PBX1: variants seen among roughly 807,000 people sequenced by gnomAD.
PBX1 encodes PBX homeobox 1.
PBX1 carries 6 observed loss-of-function variants against 53.4 expected under a neutral mutation model. That is an observed-to-expected ratio of 0.11 (90% confidence interval 0.06 to 0.22). The LOEUF is 0.22. Ranked by LOEUF, PBX1 falls within the 10% of genes least tolerant of loss-of-function variation. The pLI, the probability that PBX1 is intolerant of heterozygous loss-of-function variation, is 1.00. For missense variants in PBX1, 251 were observed against 551.4 expected (o/e 0.46, Z 5.46); for synonymous variants, 204 against 212.3 (o/e 0.96, Z 0.34).
intron 2 of PBX1, chr1:164,700,424 A>G: frequency 1.0e-6 from 1 of 983,800 alleles, no homozygotes; most frequent in Non-Finnish European, 1.2e-6. Context: ...GAGACTTAAG[A>G]GAAGTGCTTT....
chr1:164,669,998 A>G (rs1023869747), intron 2 of PBX1, among the ~76,000 whole-genome samples: 2 of 152,282 alleles, frequency 1.3e-5, no homozygotes, highest in South Asian at 4.1e-4. Flanking sequence ...CAAAGCTGCC[A>G]GCAGTATCAA....
At chr1:164,657,916 T>C (rs1660254639) in intron 2 of PBX1, among the ~76,000 whole-genome samples, 1 of 152,180 alleles carries the variant, frequency 6.6e-6, no homozygotes, top group Non-Finnish European at 1.5e-5. Context: ...CTGGTGCCTT[T>C]GCCACTCCAT....
chr1:164,746,530 C>T (rs575953622), intron 2 of PBX1, among the ~76,000 whole-genome samples: 1 of 152,146 alleles, frequency 6.6e-6, no homozygotes, highest in Non-Finnish European at 1.5e-5. Flanking sequence ...GCATGTGCCA[C>T]CACGCCCGGC....
At chr1:164,717,924 T>C (rs2102095818) in intron 2 of PBX1, among the ~76,000 whole-genome samples, 1 of 152,364 alleles carries the variant, frequency 6.6e-6, no homozygotes, top group East Asian at 1.9e-4. Context: ...ACTGTTAATA[T>C]ACTAGCAATC....
intron 2 of PBX1, among the ~76,000 whole-genome samples, chr1:164,630,681 A>C (rs1384190751): frequency 6.6e-6 from 1 of 152,214 alleles, no homozygotes; most frequent in East Asian, 1.9e-4. Flanking sequence ...GATTAAATAA[A>C]ATAGAACCTT....
chr1:164,636,608 T>C (rs910286087), intron 2 of PBX1, among the ~76,000 whole-genome samples: 1 of 152,180 alleles, frequency 6.6e-6, no homozygotes, highest in Admixed American at 6.5e-5. Context: ...TTTGGACACC[T>C]AGTCACCTTG....
intron 2 of PBX1, among the ~76,000 whole-genome samples, chr1:164,673,264 C>T (rs375303808): frequency 5.9e-5 from 9 of 151,940 alleles, no homozygotes; most frequent in African/African-American, 2.2e-4. Context: ...GATTAGTCAC[C>T]GGGGTGTTTG....
intron 2 of PBX1, among the ~76,000 whole-genome samples, chr1:164,710,946 G>A (rs1373660677): frequency 6.6e-6 from 1 of 152,208 alleles, no homozygotes; most frequent in African/African-American, 2.4e-5. Flanking sequence ...ACCCCATCTG[G>A]CCAGCCAGGC....
At chr1:164,686,514 G>C (rs1662104461) in intron 2 of PBX1, among the ~76,000 whole-genome samples, 1 of 152,170 alleles carries the variant, frequency 6.6e-6, no homozygotes, top group Non-Finnish European at 1.5e-5. Context: ...GCCCCAGAAT[G>C]GTCAGGAGGA....
intron 8 of PBX1, among the ~76,000 whole-genome samples, chr1:164,841,346 A>G (rs1671281336): frequency 6.6e-6 from 1 of 152,150 alleles, no homozygotes; most frequent in South Asian, 2.1e-4. Flanking sequence ...GAATGTAAAT[A>G]ATTGTGTTGA....
chr1:164,814,974 T>G (rs1403119585), intron 6 of PBX1: 1 of 152,054 alleles, frequency 6.6e-6, no homozygotes, highest in Non-Finnish European at 1.5e-5. Flanking sequence ...TTAGCATGCT[T>G]CATAGTTTAT....
intron 2 of PBX1, among the ~76,000 whole-genome samples, chr1:164,591,586 C>G (rs2101771796): frequency 6.6e-6 from 1 of 152,284 alleles, no homozygotes; most frequent in South Asian, 2.1e-4. Flanking sequence ...TACTAATGAT[C>G]CTTGCCAATT....
At position 164,836,113 on chromosome 1, in the gene PBX1, T is replaced by G. The variant is rs149243287; in HGVS notation, c.1201-10471T>G. 1.5e-3 allele frequency among the ~76,000 whole-genome samples: 227 copies of G among 152,312 alleles called. 6 individuals carry two copies. The East Asian group carries it at 0.039, about 26-fold the overall frequency. On this transcript the variant is annotated intron_variant, in intron 8 of 8. Transcript: ENST00000420696. ...TACATCTATTAAAAAAGCTTTCTTA[T>G]GACCTTTGCTACACTTAGGTCAAGA...
intron 2 of PBX1, among the ~76,000 whole-genome samples, chr1:164,690,225 G>T (rs1195257189): frequency 6.6e-6 from 1 of 152,160 alleles, no homozygotes. Context: ...TGCAGGATGG[G>T]GGTGGGAGAG....
At chr1:164,878,829 C>T (rs540169838) in intron 2 of PBX1, among the ~76,000 whole-genome samples, 2 of 152,270 alleles carry the variant, frequency 1.3e-5, no homozygotes, top group East Asian at 3.9e-4. Flanking sequence ...GAAATTTGAA[C>T]TTATAAAATG....
chr1:164,655,977 C>G (rs142367788), intron 2 of PBX1, among the ~76,000 whole-genome samples: 1 of 152,120 alleles, frequency 6.6e-6, no homozygotes, highest in African/African-American at 2.4e-5. Flanking sequence ...TTCACCATAA[C>G]ATGAATAGAT....
intron 2 of PBX1, among the ~76,000 whole-genome samples, chr1:164,767,660 A>G (rs1019867900): frequency 6.6e-6 from 1 of 151,960 alleles, no homozygotes; most frequent in African/African-American, 2.4e-5. Context: ...AAAAAAAGAA[A>G]AAAAAAAAAG....
At chr1:164,739,787 G>GTA (rs1557977465) in intron 2 of PBX1, among the ~76,000 whole-genome samples, 1 of 142,188 alleles carries the variant, frequency 7.0e-6, no homozygotes, top group Non-Finnish European at 1.6e-5. Flanking sequence ...GTGTGTGTGT[G>GTA]TGTATGTATA....
Position 164,747,312 on chromosome 1 carries a change from G to A in PBX1, c.266-45182G>A, listed in dbSNP as rs544546545. On this transcript the variant is annotated intron_variant, in intron 2 of 8. Coordinates refer to ENST00000420696, the MANE Select transcript of PBX1 (RefSeq NM_002585.4). ...GTAAATTTAGCATCTGTATATGTAT[G>A]AATCATGTATATATATATATATACA... Among the ~76,000 whole-genome samples, 19 of 150,522 alleles carry A rather than the reference G, an allele frequency of 1.3e-4. No individual in the cohort carries two copies. In the East Asian group the frequency reaches 3.3e-3, roughly 26 times the overall value.
Sources: gnomAD v4.1 joint callset for allele counts (sites outside exome capture counted in the v4.1 genomes callset) on GRCh38, gnomAD v4.1.1 for gene constraint, MANE v1.5 for transcripts, NCBI Gene and HGNC (gene_info 2026-07-23, HGNC 2026-07-21) for gene names.